MTAP: variants seen among roughly 807,000 people sequenced by gnomAD.
The protein encoded by MTAP is methylthioadenosine phosphorylase, also known as S-methyl-5'-thioadenosine phosphorylase.
In MTAP, 33 loss-of-function variants were observed where a neutral mutation model predicts 33.6. The observed-to-expected ratio is 0.98, with a 90% confidence interval of 0.74 to 1.31. The LOEUF is 1.31. Among genes scored for constraint, MTAP ranks in the 40% most tolerant of loss-of-function variants. The probability of loss-of-function intolerance (pLI) is 0.00; values close to 1 mark genes in which losing one functional copy is unlikely to be tolerated. For missense variants in MTAP, 367 were observed against 360.0 expected, an observed-to-expected ratio of 1.02 and a Z score of -0.16; for synonymous variants, 148 against 125.7, an observed-to-expected ratio of 1.18 and a Z score of -1.19.
chr9:21,870,008 G>A (rs1825912818), downstream of MTAP, among the ~76,000 whole-genome samples: 1 of 152,102 alleles, frequency 6.6e-6, no homozygotes, highest in Non-Finnish European at 1.5e-5. Context: ...CCTTTTCCAA[G>A]AACACACCAG....
rs148888666 is a variant in MTAP at position 21,854,663 on chromosome 9, C to A, written c.483C>A (p.Leu161=). ...TAGAGACTGCTAAGAAGCTAGGACT[C>A]CGGTGCCACTCAAAGGGGACAATGG... ...VLIETAKKLG[L]RCHSKGTMVT... The change falls in exon 6 of 8, where the codon CTC becomes CTA. Residue 161 remains leucine (L), a synonymous_variant. Transcript: ENST00000644715. The A allele has an allele frequency of 6.2e-6, 10 of 1,606,892 alleles. No individual in the cohort carries two copies. The highest frequency in any genetic ancestry group is 5.1e-6 in the Non-Finnish European group (6 of 1,175,860).
At chr9:21,937,624 GTTA>G (rs1490634572) in exon 8 of MTAP, 1 of 152,078 alleles carries the variant, frequency 6.6e-6, no homozygotes, top group African/African-American at 2.4e-5. Flanking sequence ...TGTTTTTACA[GTTA>G]TTAAACTTTC....
intron 4 of MTAP, among the ~76,000 whole-genome samples, chr9:21,826,434 T>A (rs906985472): frequency 1.3e-5 from 2 of 151,722 alleles, no homozygotes; most frequent in Admixed American, 6.6e-5. Context: ...TCATTTAGTG[T>A]CTTCTCCCGG....
intron 6 of MTAP, among the ~76,000 whole-genome samples, chr9:21,858,218 TC>T (rs754145732): frequency 8.5e-5 from 13 of 152,194 alleles, no homozygotes; most frequent in African/African-American, 1.4e-4. Flanking sequence ...AACATTGTAA[TC>T]CCTTCGGCTG....
intron 4 of MTAP, among the ~76,000 whole-genome samples, chr9:21,821,367 C>T (rs1824634132): frequency 6.6e-6 from 1 of 152,212 alleles, no homozygotes; most frequent in Admixed American, 6.5e-5. Context: ...GCCTATTCTG[C>T]ATCTATTGAG....
Position 21,830,661 on chromosome 9 carries a change from C to G in MTAP, c.348-7247C>G, listed in dbSNP as rs118110816. Among the ~76,000 whole-genome samples, 987 of 152,312 alleles carry G rather than the reference C, an allele frequency of 6.5e-3. 23 individuals are homozygous for G. The highest frequency in any genetic ancestry group is 0.061 in the East Asian group (316 of 5,186). ...AGATTCATAATTTTGGAACTTCTCT[C>G]CTATGGTACACACCCTTGTATGTAT... is the stretch of plus-strand genomic sequence containing the variant. On this transcript the variant is annotated intron_variant, in intron 4 of 7. Transcript: ENST00000644715.
intron 6 of MTAP, among the ~76,000 whole-genome samples, chr9:21,857,788 T>C (rs1222009187): frequency 6.6e-6 from 1 of 152,240 alleles, no homozygotes; most frequent in Non-Finnish European, 1.5e-5. Flanking sequence ...CCAGCCAGAA[T>C]TTAAATTTCT....
chr9:21,899,405 G>C (rs1818352157), intron 1 of MTAP, among the ~76,000 whole-genome samples: 1 of 149,364 alleles, frequency 6.7e-6, no homozygotes, highest in Admixed American at 6.6e-5. Context: ...GAAGGAGAAG[G>C]GGAAGGGGAA....
chr9:21,905,062 G>A (rs1005596281), intron 1 of MTAP, among the ~76,000 whole-genome samples: 3 of 152,144 alleles, frequency 2.0e-5, no homozygotes, highest in African/African-American at 7.2e-5. Context: ...GTGTTACAGT[G>A]TGCTCTTTTA....
chr9:21,890,822 G>A (rs1818189110), intron 1 of MTAP, among the ~76,000 whole-genome samples: 1 of 152,086 alleles, frequency 6.6e-6, no homozygotes, highest in African/African-American at 2.4e-5. Flanking sequence ...GCAGTGGCAA[G>A]CTGTTTCCTT....
At chr9:21,807,091 G>C (rs559697930) in intron 1 of MTAP, among the ~76,000 whole-genome samples, 81 of 152,342 alleles carry the variant, frequency 5.3e-4, no homozygotes, top group African/African-American at 1.8e-3. Context: ...TTGAGCCCAG[G>C]AGGCAGAGGT....
downstream of MTAP, among the ~76,000 whole-genome samples, chr9:21,869,945 C>G (rs1040145544): frequency 2.0e-5 from 3 of 152,214 alleles, no homozygotes; most frequent in African/African-American, 7.2e-5. Context: ...CACTTGCCCT[C>G]CTATCTCTCT....
At chr9:21,816,669 GTTTT>G (rs1338878707) in intron 2 of MTAP, 41 bp from the exon 3 acceptor site, 1 of 1,556,874 alleles carries the variant, frequency 6.4e-7, no homozygotes, top group Admixed American at 1.7e-5. Flanking sequence ...TTACATACCT[GTTTT>G]TAAATCACTG....
At chr9:21,859,247 A>G (rs758874566) in intron 6 of MTAP, 56 bp from the exon 7 acceptor site, 1 of 1,558,572 alleles carries the variant, frequency 6.4e-7, no homozygotes, top group African/African-American at 1.4e-5. Context: ...AAAATGTTTT[A>G]TGACAAGCAG....
intron 4 of MTAP, among the ~76,000 whole-genome samples, chr9:21,827,248 A>G (rs1002919069): frequency 2.6e-5 from 4 of 152,238 alleles, no homozygotes; most frequent in East Asian, 1.9e-4. Context: ...ACAATCCCCC[A>G]TCCAATCACC....
chr9:21,810,597 CT>C (rs564663919), intron 1 of MTAP, among the ~76,000 whole-genome samples: 118 of 152,286 alleles, frequency 7.7e-4, no homozygotes, highest in African/African-American at 2.5e-3. Flanking sequence ...CCCAGCATCA[CT>C]ATATTTGGGG....
intron 1 of MTAP, among the ~76,000 whole-genome samples, chr9:21,925,408 C>A (rs977785929): frequency 6.6e-6 from 1 of 152,226 alleles, no homozygotes; most frequent in African/African-American, 2.4e-5. Context: ...ACATCTTCAA[C>A]ATAGCTTCCT....
Position 21,865,814 on chromosome 9 carries a change from T to G in MTAP, c.*3800T>G, listed in dbSNP as rs1825844495. ...TTATTTCTTTGTTTTGAAGATTCAC[T>G]CATGTTGCATGCATCTGTAGCTTGT... On this transcript the variant is annotated 3_prime_UTR_variant, in exon 8 of 8. Transcript: ENST00000644715. The G allele has an allele frequency of 3.0e-6, 3 of 1,005,344 alleles. No individual in the cohort carries two copies. Among genetic ancestry groups the G allele is most frequent in the Non-Finnish European group, 3.6e-6 (3 of 839,684 alleles). The allele number at this position is 1,005,344 out of a possible 1,614,324, so 62.3% of individuals were successfully genotyped here. A position where few individuals can be genotyped will look rare whatever the true frequency, so the allele number is the denominator to read the frequency against.
At chr9:21,896,126 T>G (rs951911815) in intron 1 of MTAP, among the ~76,000 whole-genome samples, 1 of 152,118 alleles carries the variant, frequency 6.6e-6, no homozygotes, top group African/African-American at 2.4e-5. Flanking sequence ...ACTGCTCAAC[T>G]ACATGGAAAC....
Sources: gnomAD v4.1 joint callset for allele counts (sites outside exome capture counted in the v4.1 genomes callset) on GRCh38, gnomAD v4.1.1 for gene constraint, MANE v1.5 for transcripts, NCBI Gene and HGNC (gene_info 2026-07-23, HGNC 2026-07-21) for gene names.